The following LSM12 variants were observed in gnomAD, a reference collection of about 807,000 sequenced individuals.
LSM12 encodes the protein LSM12 homolog.
For missense variants in LSM12, 108 were observed against 238.9 expected, an observed-to-expected ratio of 0.45 and a Z score of 3.61; for synonymous variants, 74 against 87.3, an observed-to-expected ratio of 0.85 and a Z score of 0.85.
chr17:44,057,114 C>T (rs2049725533), intron 2 of LSM12, among the ~76,000 whole-genome samples: 2 of 151,812 alleles, frequency 1.3e-5, no homozygotes, highest in Admixed American at 1.3e-4. Flanking sequence ...TGAGATAGAG[C>T]CATGGCACTC....
chr17:44,039,493 T>G (rs981372647), intron 3 of LSM12, among the ~76,000 whole-genome samples: 1 of 141,006 alleles, frequency 7.1e-6, no homozygotes, highest in Non-Finnish European at 1.5e-5. Context: ...GCCATTCTCC[T>G]GCCTCAGCCT....
At chr17:44,046,804 C>T (rs532770541) in intron 2 of LSM12, among the ~76,000 whole-genome samples, 2 of 129,680 alleles carry the variant, frequency 1.5e-5, no homozygotes, top group South Asian at 5.6e-4. Context: ...GATCTTGGCT[C>T]ACTGCAACCT....
rs1350064175 is a variant in LSM12 at position 44,048,533 on chromosome 17, A to G, written c.259-8277T>C. ...TAAAAATTCAATGACTATCACCCAT[A>G]CTACACCCATTTTCAATGCAAACAT... On this transcript the variant is annotated intron_variant, in intron 2 of 4. Coordinates refer to ENST00000293406, the MANE Select transcript of LSM12 (RefSeq NM_001371445.1). Among the ~76,000 whole-genome samples, 3 of 151,830 alleles carry G rather than the reference A, an allele frequency of 2.0e-5. No individual in the cohort carries two copies. In the East Asian group the frequency reaches 5.8e-4, roughly 29 times the overall value.
Position 44,066,617 on chromosome 17 carries a change from C to G in LSM12, c.-30G>C. The G allele has an allele frequency of 7.6e-7, 1 of 1,321,046 alleles. No individual in the cohort carries two copies. Among genetic ancestry groups the G allele is most frequent in the Non-Finnish European group, 9.7e-7 (1 of 1,031,822 alleles). 81.8% of individuals were successfully genotyped at this position (1,321,046 alleles called of 1,614,324 possible). ...GGAGTGCAGCCGCGGCCGGCGGCGG[C>G]GGCGGCAGCAGCGGGCGAAAGCCGG... On this transcript the variant is annotated 5_prime_UTR_variant, in exon 1 of 5. Coordinates refer to ENST00000293406, the MANE Select transcript of LSM12 (RefSeq NM_001371445.1).
intron 2 of LSM12, among the ~76,000 whole-genome samples, chr17:44,051,315 T>C (rs906816830): frequency 8.3e-5 from 12 of 144,554 alleles, no homozygotes; most frequent in African/African-American, 3.1e-4. Flanking sequence ...CGCTTGAACC[T>C]GGGAGGCAGA....
chr17:44,037,514 T>C lies in LSM12; in HGVS notation c.393A>G (p.Glu131=). The C allele has an allele frequency of 6.2e-7, 1 of 1,610,224 alleles. No homozygotes were observed. Among genetic ancestry groups the C allele is most frequent in the Non-Finnish European group, 8.5e-7 (1 of 1,178,418 alleles). ...HKTIKDCKWQ[E]KNIVVMEEVV... ...CTTCTTCCATGACTACGATGTTTTTTTCTTGCCATTTACAGTCTTTAATGC... is the reference window on the plus strand; with the variant it reads ...CTTCTTCCATGACTACGATGTTTTTCTCTTGCCATTTACAGTCTTTAATGC... The change falls in exon 4 of 5, where the codon GAA becomes GAG. Residue 131 remains glutamate, a synonymous_variant. Transcript: ENST00000293406.
At chr17:44,050,118 A>T (rs1157308705) in intron 2 of LSM12, among the ~76,000 whole-genome samples, 1 of 151,908 alleles carries the variant, frequency 6.6e-6, no homozygotes, top group Non-Finnish European at 1.5e-5. Flanking sequence ...TATTTTTTTG[A>T]GATGGAGTTT....
rs1027491532 is a variant in LSM12, at chr17:44,065,397, C to T, written c.124+1067G>A. On this transcript the variant is annotated intron_variant, in intron 1 of 4. Coordinates refer to ENST00000293406, the MANE Select transcript of LSM12 (RefSeq NM_001371445.1). ...CGGAGGTTGCAGTGAGCCGAGATTGCGCCACCGCACTCCATCCTAGCGACA... is the reference window on the plus strand; with the variant it reads ...CGGAGGTTGCAGTGAGCCGAGATTGTGCCACCGCACTCCATCCTAGCGACA... 8.8e-5 allele frequency among the ~76,000 whole-genome samples: 13 copies of T among 148,414 alleles called. 1 individual carries two copies. The highest frequency in any genetic ancestry group is 2.1e-4 in the South Asian group (1 of 4,738).
At chr17:44,049,756 G>A (rs1026922735) in intron 2 of LSM12, among the ~76,000 whole-genome samples, 5 of 152,188 alleles carry the variant, frequency 3.3e-5, no homozygotes, top group African/African-American at 1.2e-4. Flanking sequence ...AGGTGCCGTG[G>A]GGAATCCAGA....
chr17:44,040,153 T>C lies in LSM12; in HGVS notation c.362A>G (p.His121Arg). The C allele has an allele frequency of 6.2e-7, 1 of 1,612,538 alleles. No homozygotes were observed. The highest frequency in any genetic ancestry group is 8.5e-7 in the Non-Finnish European group (1 of 1,178,714). Residue 121 changes from histidine (H) to arginine (R), a missense_variant, in exon 3 of 5, where the codon CAC becomes CGC. By Grantham distance (29) the His-to-Arg change is conservative. Coordinates refer to ENST00000293406, the MANE Select transcript of LSM12 (RefSeq NM_001371445.1). The part of the protein sequence containing the change: ...LEGQQLFQTI[H>R]KTIKDCKWQE... ...CTCTCCGATCCCAACTCACGTCTTG[T>C]GAATGGTCTGGAAGAGCTGCTGGCC...
At chr17:44,045,224 C>T (rs2049546361) in intron 2 of LSM12, among the ~76,000 whole-genome samples, 1 of 152,024 alleles carries the variant, frequency 6.6e-6, no homozygotes. Flanking sequence ...GACAGGGGTT[C>T]ACCATGTTGG....
chr17:44,035,706 A>C lies in LSM12; in HGVS notation c.*502T>G, dbSNP rs2049408475. The C allele has an allele frequency of 6.7e-6, 1 of 148,686 alleles. No individual in the cohort carries two copies. The highest frequency in any genetic ancestry group is 2.5e-5 in the African/African-American group (1 of 40,708). 9.2% of individuals were successfully genotyped at this position (148,686 alleles called of 1,614,324 possible). A position where few individuals can be genotyped will look rare whatever the true frequency, so the allele number is the denominator to read the frequency against. ...AAAAAAAAAAAAAAGAAAAAAGAAAAAAAAAGGAAAAGAAAACAAAAATTT... is the reference window on the plus strand; with the variant it reads ...AAAAAAAAAAAAAAGAAAAAAGAAACAAAAAGGAAAAGAAAACAAAAATTT... On this transcript the variant is annotated 3_prime_UTR_variant, in exon 5 of 5. Transcript: ENST00000293406.
At chr17:44,037,268 T>C (rs1201395296) in intron 4 of LSM12, 144 bp downstream of exon 4, 1 of 1,005,084 alleles carries the variant, frequency 9.9e-7, no homozygotes, top group East Asian at 2.7e-5. Flanking sequence ...AACCCCACAG[T>C]ACAGGGAAGG....
At chr17:44,046,794 G>C (rs1378277805) in intron 2 of LSM12, among the ~76,000 whole-genome samples, 1 of 124,956 alleles carries the variant, frequency 8.0e-6, no homozygotes, top group Non-Finnish European at 1.6e-5. Flanking sequence ...GCAATGGCGC[G>C]ATCTTGGCTC....
Position 44,039,268 on chromosome 17 carries a change from T to C in LSM12, c.368+879A>G, listed in dbSNP as rs570744818. On this transcript the variant is annotated intron_variant, in intron 3 of 4. Transcript: ENST00000293406. The stretch of plus-strand genomic sequence containing the variant: ...GGGGGTTTCAACATGTTGGTCAGGC[T>C]GGTCTGGAACTCCCGACCTCAGGTG... Among the ~76,000 whole-genome samples the C allele has an allele frequency of 8.6e-3, 1,306 of 151,430 alleles. 7 individuals carry two copies. The highest frequency in any genetic ancestry group is 0.014 in the Non-Finnish European group (943 of 67,866).
At chr17:44,049,402 A>G (rs2144090270) in intron 2 of LSM12, among the ~76,000 whole-genome samples, 1 of 152,142 alleles carries the variant, frequency 6.6e-6, no homozygotes, top group Admixed American at 6.6e-5. Context: ...CTCAGCCTAC[A>G]GAGTAGCTGA....
At chr17:44,045,390 T>G (rs2049549424) in intron 2 of LSM12, among the ~76,000 whole-genome samples, 1 of 152,212 alleles carries the variant, frequency 6.6e-6, no homozygotes, top group Non-Finnish European at 1.5e-5. Context: ...ATACAATGTG[T>G]TGACTTACGT....
chr17:44,049,914 C>A (rs1314623041), intron 2 of LSM12, among the ~76,000 whole-genome samples: 3 of 152,136 alleles, frequency 2.0e-5, no homozygotes, highest in Non-Finnish European at 1.5e-5. Context: ...GGTCTTCCAA[C>A]CAGCTGCCCT....
upstream of LSM12, among the ~76,000 whole-genome samples, chr17:44,067,176 T>C (rs2049891435): frequency 6.6e-6 from 1 of 152,208 alleles, no homozygotes; most frequent in East Asian, 1.9e-4. Context: ...GGCGCGTGCC[T>C]GTAATCCCAG....
Sources: allele counts gnomAD v4.1 joint callset (sites outside exome capture counted in the v4.1 genomes callset), GRCh38; gene constraint gnomAD v4.1.1; transcripts MANE v1.5; gene names NCBI Gene and HGNC (gene_info 2026-07-23, HGNC 2026-07-21).